COPG2: variants seen among roughly 807,000 people sequenced by gnomAD.
COPG2 encodes coat protein complex I subunit gamma 2.
In COPG2, 37 loss-of-function variants were observed where a neutral mutation model predicts 46.3. The observed-to-expected ratio is 0.80, with a 90% CI of 0.61 to 1.05. The LOEUF is 1.05. COPG2 is among the 50% of genes least tolerant of loss of function. COPG2 has a pLI of 0.00. For missense variants in COPG2, 427 were observed against 387.8 expected, an observed-to-expected ratio of 1.10 and a Z score of -0.85; for synonymous variants, 159 against 129.7, an observed-to-expected ratio of 1.23 and a Z score of -1.53.
At chr7:130,611,523 C>G (rs150302212) in intron 8 of COPG2, among the ~76,000 whole-genome samples, 3 of 152,276 alleles carry the variant, frequency 2.0e-5, no homozygotes, top group African/African-American at 7.2e-5. Flanking sequence ...GTGTCATCAT[C>G]TTGACACTTT....
intron 9 of COPG2, chr7:130,610,493 A>G (rs781819695): frequency 2.3e-5 from 12 of 517,302 alleles, no homozygotes; most frequent in South Asian, 1.5e-4. Context: ...TATACCTCAA[A>G]AGATTTCTCA....
At chr7:130,631,433 C>G (rs1441259562) in intron 5 of COPG2, among the ~76,000 whole-genome samples, 1 of 152,156 alleles carries the variant, frequency 6.6e-6, no homozygotes, top group Non-Finnish European at 1.5e-5. Context: ...GCTGGGATTA[C>G]AGGTGTGAGC....
chr7:130,606,232 A>C (rs1437213047), intron 9 of COPG2, among the ~76,000 whole-genome samples: 1 of 146,330 alleles, frequency 6.8e-6, no homozygotes, highest in Non-Finnish European at 1.5e-5. Flanking sequence ...AAATAAATAA[A>C]AAAAAGAAAG....
chr7:130,512,861 T>C (rs1238629593), intron 20 of COPG2, among the ~76,000 whole-genome samples: 1 of 152,052 alleles, frequency 6.6e-6, no homozygotes, highest in Non-Finnish European at 1.5e-5. Context: ...TATGTGAGGA[T>C]TGGCTAAAAG....
intron 20 of COPG2, among the ~76,000 whole-genome samples, chr7:130,515,241 C>T (rs1209659379): frequency 1.3e-5 from 2 of 152,096 alleles, no homozygotes; most frequent in African/African-American, 4.8e-5. Flanking sequence ...ACAGGCTGTA[C>T]AGGAAGCATG....
intron 9 of COPG2, among the ~76,000 whole-genome samples, chr7:130,599,185 G>A (rs1794585740): frequency 6.6e-6 from 1 of 152,120 alleles, no homozygotes; most frequent in East Asian, 1.9e-4. Flanking sequence ...TCTCTGAGGG[G>A]GATAAAATGA....
intron 21 of COPG2, 41 bp from the exon 22 acceptor site, chr7:130,507,864 G>A (rs782013277): frequency 1.3e-6 from 1 of 773,176 alleles, no homozygotes; most frequent in Admixed American, 1.7e-5. Flanking sequence ...AGTCCTTTCT[G>A]TTATAGGGCA....
At chr7:130,513,713 G>T (rs1799649135) in intron 20 of COPG2, among the ~76,000 whole-genome samples, 1 of 152,122 alleles carries the variant, frequency 6.6e-6, no homozygotes, top group South Asian at 2.1e-4. Flanking sequence ...TGAAGGTCTG[G>T]AATGAACTGA....
At chr7:130,535,668 GT>G (rs1184217457) in intron 20 of COPG2, among the ~76,000 whole-genome samples, 2 of 101,404 alleles carry the variant, frequency 2.0e-5, no homozygotes, top group Non-Finnish European at 3.9e-5. Flanking sequence ...TTGGGGTGGG[GT>G]TTGGGTATGG....
chr7:130,612,245 A>G lies in COPG2; in HGVS notation c.493-7T>C, dbSNP rs1019482176. ...AGCTTATCTTCATCATGTGCTAAATACAGAAAAAAAAAAATGAGAATAAAT... is the reference window on the plus strand; with the variant it reads ...AGCTTATCTTCATCATGTGCTAAATGCAGAAAAAAAAAAATGAGAATAAAT... On this transcript the variant is annotated splice_polypyrimidine_tract_variant and splice_region_variant and intron_variant, in intron 7 of 23. Transcript: ENST00000425248. 1.4e-6 allele frequency: 2 copies of G among 1,446,538 alleles called. No individual in the cohort carries two copies. Among genetic ancestry groups the G allele is most frequent in the Non-Finnish European group, 1.8e-6 (2 of 1,091,584 alleles). 89.6% of individuals were successfully genotyped at this position (1,446,538 alleles called of 1,614,324 possible). A position where few individuals can be genotyped will look rare whatever the true frequency, so the allele number is the denominator to read the frequency against.
At chr7:130,668,501 C>G in intron 1 of COPG2, 131 bp downstream of exon 1, 1 of 704,984 alleles carries the variant, frequency 1.4e-6, no homozygotes, top group Non-Finnish European at 2.0e-6. Context: ...GGGGAGGGGC[C>G]GGCTCCAGCT....
intron 10 of COPG2, among the ~76,000 whole-genome samples, 155 bp from the exon 11 acceptor site, chr7:130,563,491 C>G (rs1793750898): frequency 1.3e-5 from 2 of 151,702 alleles, no homozygotes; most frequent in East Asian, 3.9e-4. Flanking sequence ...GTGAATATTC[C>G]TTATCTCATC....
intron 20 of COPG2, among the ~76,000 whole-genome samples, chr7:130,538,473 A>T (rs2094621308): frequency 6.6e-6 from 1 of 152,072 alleles, no homozygotes; most frequent in African/African-American, 2.4e-5. Context: ...ATCTCAGGGA[A>T]GTTGGTATCA....
intron 4 of COPG2, 126 bp from the exon 5 acceptor site, chr7:130,653,074 C>CA (rs375839317): frequency 0.019 from 8,561 of 452,328 alleles, no homozygotes; most frequent in South Asian, 0.029. Context: ...TCTCATCTAC[C>CA]AAAAAAAAAA....
At chr7:130,654,942 T>C (rs1795820862) in intron 4 of COPG2, among the ~76,000 whole-genome samples, 1 of 151,984 alleles carries the variant, frequency 6.6e-6, no homozygotes, top group African/African-American at 2.4e-5. Context: ...TTGGGAAGTG[T>C]ATTTGGATCT....
chr7:130,630,391 T>C (rs912620243), intron 5 of COPG2, among the ~76,000 whole-genome samples: 3 of 152,254 alleles, frequency 2.0e-5, no homozygotes, highest in African/African-American at 7.2e-5. Context: ...GATTTTTGCA[T>C]ATTGATCTTG....
intron 9 of COPG2, among the ~76,000 whole-genome samples, chr7:130,578,850 A>G (rs1794070983): frequency 6.7e-6 from 1 of 149,348 alleles, no homozygotes; most frequent in African/African-American, 2.5e-5. Context: ...GGACTATGTG[A>G]AAAGACCAAA....
intron 15 of COPG2, among the ~76,000 whole-genome samples, chr7:130,551,772 AGCC>A (rs1793537201): frequency 6.6e-6 from 1 of 152,258 alleles, no homozygotes; most frequent in African/African-American, 2.4e-5. Context: ...TACGTAAACT[AGCC>A]AACCTTTGGC....
intron 12 of COPG2, among the ~76,000 whole-genome samples, chr7:130,556,341 G>T (rs1793622031): frequency 1.3e-5 from 2 of 152,248 alleles, no homozygotes; most frequent in East Asian, 3.9e-4. Flanking sequence ...AAGGCTAGAA[G>T]ATGTCTTGTA....
Sources: allele counts gnomAD v4.1 joint callset (sites outside exome capture counted in the v4.1 genomes callset), GRCh38; gene constraint gnomAD v4.1.1; transcripts MANE v1.5; gene names NCBI Gene and HGNC (gene_info 2026-07-23, HGNC 2026-07-21).